The following TENM3 variants were observed in gnomAD, a reference collection of about 807,000 sequenced individuals.
TENM3 encodes teneurin-3.
Under a neutral mutation model 255.1 loss-of-function variants are expected in TENM3, and 63 were observed. That is an observed-to-expected ratio of 0.25 (90% CI 0.20 to 0.30). The LOEUF (loss-of-function observed/expected upper bound fraction) is 0.30. Ranked by LOEUF, TENM3 falls within the 10% of genes least tolerant of loss-of-function variation. The pLI, the probability that TENM3 is intolerant of heterozygous loss-of-function variation, is 1.00. For missense variants in TENM3, 2,929 were observed against 3,461.1 expected (o/e 0.85, Z 3.86); for synonymous variants, 1,306 against 1,322.3 (o/e 0.99, Z 0.27).
chr4:181,993,111 C>T, the TENM3 span, among the ~76,000 whole-genome samples: 20 of 152,184 alleles, frequency 1.3e-4, no homozygotes, highest in African/African-American at 4.3e-4. Context: ...CTAAAACTGT[C>T]CAATTTATAT....
chr4:181,610,300 T>G, the TENM3 span, among the ~76,000 whole-genome samples: 1 of 152,178 alleles, frequency 6.6e-6, no homozygotes, highest in African/African-American at 2.4e-5. Flanking sequence ...CCTAATGTTA[T>G]TTCATTTGTG....
In TENM3 at chr4:182,802,667, G is replaced by A. The variant is rs999283327; in HGVS notation, c.*2316G>A. The A allele has an allele frequency of 1.3e-5, 2 of 152,188 alleles. No homozygotes were observed. The highest frequency in any genetic ancestry group is 2.9e-5 in the Non-Finnish European group (2 of 68,026). The allele number at this position is 152,188 out of a possible 1,614,324, so 9.4% of individuals were successfully genotyped here. A position where few individuals can be genotyped will look rare whatever the true frequency, so the allele number is the denominator to read the frequency against. On this transcript the variant is annotated 3_prime_UTR_variant, in exon 28 of 28. Coordinates refer to ENST00000511685, the MANE Select transcript of TENM3 (RefSeq NM_001080477.4). ...ATGAAGTCAAATCAACCCAATTAGT[G>A]TCCTGTTAGTAGGTATAATGAGCCT...
At chr4:181,759,624 A>G in the TENM3 span, among the ~76,000 whole-genome samples, 1 of 152,150 alleles carries the variant, frequency 6.6e-6, no homozygotes, top group Non-Finnish European at 1.5e-5. Context: ...ATACAACTGG[A>G]TAAAACCATT....
the TENM3 span, among the ~76,000 whole-genome samples, chr4:182,022,359 C>A: frequency 6.6e-5 from 10 of 151,806 alleles, no homozygotes; most frequent in East Asian, 1.2e-3. Context: ...TACATGGACA[C>A]ACAAATGGAA....
intron 12 of TENM3, among the ~76,000 whole-genome samples, chr4:182,689,705 T>C (rs918608740): frequency 2.0e-5 from 3 of 152,348 alleles, no homozygotes; most frequent in Admixed American, 2.0e-4. Context: ...AATCGACATA[T>C]TTGCAGTATT....
chr4:181,546,413 T>G, the TENM3 span, among the ~76,000 whole-genome samples: 1 of 152,168 alleles, frequency 6.6e-6, no homozygotes, highest in African/African-American at 2.4e-5. Context: ...TAAAAAGCTA[T>G]TCTACAGAAA....
At chr4:181,699,503 C>T in the TENM3 span, among the ~76,000 whole-genome samples, 3 of 123,676 alleles carry the variant, frequency 2.4e-5, no homozygotes, top group African/African-American at 8.8e-5. Context: ...ACTTTAGATA[C>T]ATTGCTAATA....
At chr4:182,187,723 C>T (rs551036533) in intron 1 of TENM3, among the ~76,000 whole-genome samples, 1 of 152,176 alleles carries the variant, frequency 6.6e-6, no homozygotes, top group South Asian at 2.1e-4. Flanking sequence ...AACGTTCTAA[C>T]AGCTGTAATA....
the TENM3 span, among the ~76,000 whole-genome samples, chr4:181,943,503 T>C: frequency 2.6e-5 from 4 of 152,184 alleles, no homozygotes; most frequent in Admixed American, 6.5e-5. Context: ...ATTTCAGTGA[T>C]TGTGGTGGAT....
the TENM3 span, among the ~76,000 whole-genome samples, chr4:181,725,891 C>T: frequency 1.3e-5 from 2 of 151,972 alleles, no homozygotes; most frequent in East Asian, 1.9e-4. Flanking sequence ...ATTTTAGTAA[C>T]GACACTTTAG....
At chr4:182,351,998 T>A (rs910377678) in intron 3 of TENM3, among the ~76,000 whole-genome samples, 1 of 152,170 alleles carries the variant, frequency 6.6e-6, no homozygotes, top group African/African-American at 2.4e-5. Context: ...TATATCTGTT[T>A]ATGTGGCTAT....
At chr4:181,726,066 C>G in the TENM3 span, among the ~76,000 whole-genome samples, 1 of 151,106 alleles carries the variant, frequency 6.6e-6, no homozygotes, top group Non-Finnish European at 1.5e-5. Context: ...TGATTTTTTT[C>G]AAAAGATCTA....
rs1469966970 is a variant in TENM3, at chr4:182,793,902, C to T, written c.7213+17C>T. The T allele has an allele frequency of 5.7e-6, 9 of 1,575,180 alleles. No homozygotes were observed. The highest frequency in any genetic ancestry group is 7.8e-6 in the Non-Finnish European group (9 of 1,160,288). The stretch of plus-strand genomic sequence containing the variant: ...ACATCACAGGTAAGCATTTTGATTC[C>T]TTCCCAAGAGCTGGAGGACTACCAT... On this transcript the variant is annotated intron_variant, in intron 26 of 27. Coordinates refer to ENST00000511685, the MANE Select transcript of TENM3 (RefSeq NM_001080477.4). The surrounding 1 kb of genome is among the most constrained non-coding windows in gnomAD (Gnocchi z 5.7).
chr4:181,643,603 T>A, the TENM3 span, among the ~76,000 whole-genome samples: 1 of 151,604 alleles, frequency 6.6e-6, no homozygotes, highest in Admixed American at 6.6e-5. Context: ...TGCATCAAAA[T>A]GGAGCAGAGC....
chr4:181,822,000 A>G, the TENM3 span, among the ~76,000 whole-genome samples: 2 of 152,228 alleles, frequency 1.3e-5, no homozygotes, highest in Admixed American at 6.5e-5. Context: ...TATTCTATAC[A>G]TTGCATTATA....
chr4:182,675,314 G>T (rs1245473462), intron 7 of TENM3, among the ~76,000 whole-genome samples: 1 of 152,016 alleles, frequency 6.6e-6, no homozygotes, highest in Non-Finnish European at 1.5e-5. Context: ...GGCCAAGGTG[G>T]GTGGATCACT....
chr4:181,849,949 T>TCTCTCTCTCTCACACA, the TENM3 span, among the ~76,000 whole-genome samples: 58 of 65,948 alleles, frequency 8.8e-4, 1 homozygote, highest in South Asian at 2.4e-3. Context: ...TCTCTCTCTC[T>TCTCTCTCTCTCACACA]CACACACACA....
intron 1 of TENM3, among the ~76,000 whole-genome samples, chr4:182,251,359 GTGGGGGAC>G (rs1758000985): frequency 6.6e-6 from 1 of 152,048 alleles, no homozygotes; most frequent in Admixed American, 6.6e-5. Flanking sequence ...TCCTGGCTAC[GTGGGGGAC>G]TGAAGTGGGA....
At chr4:181,688,544 C>T in the TENM3 span, among the ~76,000 whole-genome samples, 8 of 152,098 alleles carry the variant, frequency 5.3e-5, no homozygotes, top group Non-Finnish European at 7.4e-5. Context: ...TTTGCAAGTA[C>T]GTGTCATTGT....
Sources: gnomAD v4.1 joint callset for allele counts (sites outside exome capture counted in the v4.1 genomes callset) on GRCh38, gnomAD v4.1.1 for gene constraint, Gnocchi (gnomAD v3.1) non-coding constraint, MANE v1.5 for transcripts, NCBI Gene and HGNC (gene_info 2026-07-23, HGNC 2026-07-21) for gene names.